The following LYSMD1 variants were observed in gnomAD, a reference collection of about 807,000 sequenced individuals.
LYSMD1 encodes the protein lysM and putative peptidoglycan-binding domain-containing protein 1.
Under a neutral mutation model 19.3 loss-of-function variants are expected in LYSMD1, and 9 were observed. That is an observed-to-expected ratio of 0.47 (90% CI 0.28 to 0.81). The LOEUF (loss-of-function observed/expected upper bound fraction) is 0.81, where lower values mean the gene tolerates loss of function less well. LYSMD1 is among the 40% of genes least tolerant of loss of function. The probability of loss-of-function intolerance (pLI) is 0.11; values close to 1 mark genes in which losing one functional copy is unlikely to be tolerated. For synonymous variants in LYSMD1, 111 were observed against 111.7 expected, an observed-to-expected ratio of 0.99 and a Z score of 0.04; for missense variants, 262 against 279.8, an observed-to-expected ratio of 0.94 and a Z score of 0.45.
chr1:151,152,292 G>A, the LYSMD1 span, among the ~76,000 whole-genome samples: 5 of 152,182 alleles, frequency 3.3e-5, no homozygotes, highest in African/African-American at 1.2e-4. Context: ...AGCTACTCAG[G>A]AGGCTGAGGC....
At chr1:151,152,920 A>G in the LYSMD1 span, among the ~76,000 whole-genome samples, 1 of 152,212 alleles carries the variant, frequency 6.6e-6, no homozygotes, top group Non-Finnish European at 1.5e-5. Flanking sequence ...AGTTTATCCA[A>G]TTAAGTGCAA....
At chr1:151,157,366 T>C (rs1471989016), downstream of LYSMD1, among the ~76,000 whole-genome samples, 3 of 152,210 alleles carry the variant, frequency 2.0e-5, no homozygotes, top group African/African-American at 7.2e-5. Context: ...TGCTCCTCAC[T>C]GCGGTCACAG....
chr1:151,152,694 G>A, the LYSMD1 span, among the ~76,000 whole-genome samples: 12 of 151,962 alleles, frequency 7.9e-5, no homozygotes, highest in Admixed American at 3.9e-4. Context: ...TGTGAGACTC[G>A]ATCTCATAAA....
the LYSMD1 span, among the ~76,000 whole-genome samples, chr1:151,150,426 G>T: frequency 1.3e-5 from 2 of 152,070 alleles, no homozygotes; most frequent in African/African-American, 4.8e-5. Context: ...ACCTATACTT[G>T]CTATATCCAT....
chr1:151,163,462 A>G (rs1683528332), intron 1 of LYSMD1, among the ~76,000 whole-genome samples: 1 of 152,132 alleles, frequency 6.6e-6, no homozygotes, highest in African/African-American at 2.4e-5. Flanking sequence ...TAATTATGTA[A>G]TTATTATCAT....
chr1:151,153,532 G>A, the LYSMD1 span, among the ~76,000 whole-genome samples: 3 of 151,706 alleles, frequency 2.0e-5, no homozygotes, highest in East Asian at 1.9e-4. Flanking sequence ...GCACATGCCT[G>A]TAATCCCAGC....
At chr1:151,157,901 A>AT (rs1458146350), downstream of LYSMD1, among the ~76,000 whole-genome samples, 1 of 152,234 alleles carries the variant, frequency 6.6e-6, no homozygotes, top group African/African-American at 2.4e-5. Flanking sequence ...GGGCCAAAAA[A>AT]TGAGTTGCGT....
chr1:151,161,437 C>T (rs1468049079), intron 2 of LYSMD1, among the ~76,000 whole-genome samples: 1 of 151,440 alleles, frequency 6.6e-6, no homozygotes, highest in Non-Finnish European at 1.5e-5. Flanking sequence ...GCGGAGCTTG[C>T]AGTGAGCCAA....
downstream of LYSMD1, chr1:151,159,296 T>A (rs1213030270): frequency 1.9e-6 from 3 of 1,563,254 alleles, no homozygotes; most frequent in Non-Finnish European, 2.6e-6. Context: ...AATGGTTGAC[T>A]GAGAAAACAC....
downstream of LYSMD1, among the ~76,000 whole-genome samples, chr1:151,154,968 C>G (rs1683186684): frequency 6.6e-6 from 1 of 152,142 alleles, no homozygotes; most frequent in Non-Finnish European, 1.5e-5. Context: ...CCACGTTGGC[C>G]AGGCTGGTCT....
chr1:151,152,623 C>T, the LYSMD1 span, among the ~76,000 whole-genome samples: 2 of 151,402 alleles, frequency 1.3e-5, no homozygotes, highest in Non-Finnish European at 2.9e-5. Context: ...TCACTTGAAC[C>T]CAGGAGGCAG....
chr1:151,164,844 G>A (rs767240730), intron 1 of LYSMD1, among the ~76,000 whole-genome samples: 23 of 152,166 alleles, frequency 1.5e-4, no homozygotes, highest in South Asian at 2.1e-4. Flanking sequence ...ATGAGCTAAC[G>A]TATGTGAAGC....
At chr1:151,159,476 C>A (rs1284372759), downstream of LYSMD1, 1 of 533,924 alleles carries the variant, frequency 1.9e-6, no homozygotes, top group African/African-American at 1.9e-5. Context: ...AGCCCCAGGA[C>A]AGGAAACAGA....
Position 151,165,227 on chromosome 1 carries a change from C to G in LYSMD1, c.32G>C (p.Gly11Ala), listed in dbSNP as rs1683632305. The G allele has an allele frequency of 1.9e-6, 3 of 1,613,866 alleles. No homozygotes were observed. The highest frequency in any genetic ancestry group is 2.2e-5 in the East Asian group (1 of 44,896). The change falls in exon 1 of 3, where the codon GGG (glycine) becomes GCG (alanine). Residue 11 changes from glycine to alanine, a missense_variant. Coordinates refer to ENST00000368908, the MANE Select transcript of LYSMD1 (RefSeq NM_212551.5). ...GCTCCCTTGAAGCAGTCCTGACCCC[C>G]CTGGCGGGGGCTGTCTAGACGGGGA... MASPSRQPPP[G>A]GSGLLQGSRA...
the LYSMD1 span, among the ~76,000 whole-genome samples, chr1:151,154,509 A>G: frequency 6.6e-5 from 9 of 135,912 alleles, no homozygotes; most frequent in African/African-American, 7.9e-5. Flanking sequence ...AGAGAGAGAG[A>G]GGAAGGAAGG....
the LYSMD1 span, among the ~76,000 whole-genome samples, chr1:151,154,220 CTGTAA>C: frequency 6.6e-6 from 1 of 152,140 alleles, no homozygotes; most frequent in Admixed American, 6.5e-5. Flanking sequence ...TGGCTCATGC[CTGTAA>C]TCCCAGCACT....
chr1:151,154,723 A>G, the LYSMD1 span, among the ~76,000 whole-genome samples: 1 of 151,712 alleles, frequency 6.6e-6, no homozygotes, highest in Non-Finnish European at 1.5e-5. Flanking sequence ...TCGGCTCACT[A>G]CAACCTCTGC....
downstream of LYSMD1, chr1:151,158,580 T>C: frequency 4.9e-6 from 5 of 1,018,630 alleles, no homozygotes; most frequent in Non-Finnish European, 7.1e-6. Context: ...CAAACAAAGA[T>C]GATGATGACA....
At chr1:151,154,714 C>T in the LYSMD1 span, among the ~76,000 whole-genome samples, 10 of 152,032 alleles carry the variant, frequency 6.6e-5, no homozygotes, top group African/African-American at 2.2e-4. Flanking sequence ...GGCGCGATCT[C>T]GGCTCACTAC....
Sources: allele counts gnomAD v4.1 joint callset (sites outside exome capture counted in the v4.1 genomes callset), GRCh38; gene constraint gnomAD v4.1.1; transcripts MANE v1.5; gene names NCBI Gene and HGNC (gene_info 2026-07-23, HGNC 2026-07-21).